Variants in NKAIN3 observed in about 807,000 individuals in gnomAD.
NKAIN3 encodes the protein sodium/potassium transporting ATPase interacting 3.
A neutral mutation model predicts 30.2 loss-of-function variants in NKAIN3; 25 were observed. That is an observed-to-expected ratio of 0.83 (90% CI 0.60 to 1.16). The LOEUF is 1.16. NKAIN3 is among the 50% of genes most tolerant of loss of function. NKAIN3 has a pLI of 0.00. For missense variants in NKAIN3, 225 were observed against 254.1 expected (o/e 0.89, Z 0.78); for synonymous variants, 91 against 89.6 (o/e 1.02, Z -0.09).
Position 62,768,624 on chromosome 8 carries a change from G to A in NKAIN3, c.471+21495G>A, listed in dbSNP as rs537023898. Among the ~76,000 whole-genome samples the A allele has an allele frequency of 1.1e-3, 161 of 152,254 alleles. 1 individual carries two copies. Among genetic ancestry groups the A allele is most frequent in the Admixed American group, 4.2e-3 (64 of 15,282 alleles). ...ATGAGAAAAGGGCAGTTGTCAACAG[G>A]AAATAGCAGCTCTGAGTTCATTTTC... On this transcript the variant is annotated intron_variant, in intron 4 of 6. Coordinates refer to ENST00000623646, the MANE Select transcript of NKAIN3 (RefSeq NM_001304533.3).
chr8:62,297,241 C>G (rs1563923760), intron 1 of NKAIN3, among the ~76,000 whole-genome samples: 1 of 152,182 alleles, frequency 6.6e-6, no homozygotes, highest in East Asian at 1.9e-4. Context: ...CTAGGCATTA[C>G]CATTCAGGAC....
chr8:62,354,280 T>C (rs1816275944), intron 1 of NKAIN3, among the ~76,000 whole-genome samples: 1 of 150,902 alleles, frequency 6.6e-6, no homozygotes, highest in South Asian at 2.1e-4. Flanking sequence ...CTACCTTCTT[T>C]TTTTAGGTGA....
At chr8:62,879,255 A>G (rs1264236295) in intron 4 of NKAIN3, among the ~76,000 whole-genome samples, 1 of 152,108 alleles carries the variant, frequency 6.6e-6, no homozygotes, top group African/African-American at 2.4e-5. Flanking sequence ...CATTTCTTTG[A>G]TGGCCAGTGA....
At chr8:62,808,698 G>A (rs1238113686) in intron 4 of NKAIN3, among the ~76,000 whole-genome samples, 1 of 152,086 alleles carries the variant, frequency 6.6e-6, no homozygotes, top group Non-Finnish European at 1.5e-5. Flanking sequence ...GGGTCACAGA[G>A]ATCACATGCT....
chr8:62,644,044 A>G (rs1466337956), intron 3 of NKAIN3, among the ~76,000 whole-genome samples: 1 of 152,118 alleles, frequency 6.6e-6, no homozygotes, highest in Non-Finnish European at 1.5e-5. Flanking sequence ...ATGGATGGAA[A>G]AGAAAGAGGA....
chr8:62,447,843 C>A (rs1294525953), intron 1 of NKAIN3, among the ~76,000 whole-genome samples: 1 of 151,888 alleles, frequency 6.6e-6, no homozygotes, highest in African/African-American at 2.4e-5. Flanking sequence ...GAAGAAAGAA[C>A]CAAGCCCCAA....
At chr8:62,349,579 T>C (rs1816118407) in intron 1 of NKAIN3, among the ~76,000 whole-genome samples, 1 of 152,166 alleles carries the variant, frequency 6.6e-6, no homozygotes, top group Non-Finnish European at 1.5e-5. Flanking sequence ...TGAAATTTGC[T>C]GTGGGTACAG....
chr8:62,447,969 G>T (rs1383236056), intron 1 of NKAIN3, among the ~76,000 whole-genome samples: 2 of 151,922 alleles, frequency 1.3e-5, no homozygotes, highest in African/African-American at 4.8e-5. Flanking sequence ...TTTGTTGGGG[G>T]AATAGAGAGT....
At chr8:62,617,851 C>T (rs547220362) in intron 3 of NKAIN3, among the ~76,000 whole-genome samples, 15 of 152,248 alleles carry the variant, frequency 9.9e-5, no homozygotes, top group Middle Eastern at 3.4e-3. Context: ...AGTGTTCTGT[C>T]TTATCTAGGC....
Position 62,290,253 on chromosome 8 carries a change from T to G in NKAIN3, c.54+41126T>G, listed in dbSNP as rs193099451. ...CTTTATTTCTTTCTCTTGCCTGATT[T>G]CCCTGGCCAGAACTTCCAACATTAT... is the stretch of plus-strand genomic sequence containing the variant. On this transcript the variant is annotated intron_variant, in intron 1 of 6. Coordinates refer to ENST00000623646, the MANE Select transcript of NKAIN3 (RefSeq NM_001304533.3). Among the ~76,000 whole-genome samples, 592 of 152,260 alleles carry G rather than the reference T, an allele frequency of 3.9e-3. 2 individuals are homozygous for G. The highest frequency in any genetic ancestry group is 0.014 in the African/African-American group (568 of 41,552).
chr8:62,410,442 T>C (rs1804203703), intron 1 of NKAIN3, among the ~76,000 whole-genome samples: 1 of 152,158 alleles, frequency 6.6e-6, no homozygotes, highest in African/African-American at 2.4e-5. Context: ...GTCTTTTTGG[T>C]ATAATGATCT....
chr8:62,815,275 G>A lies in NKAIN3; in HGVS notation c.471+68146G>A, dbSNP rs1051080899. On this transcript the variant is annotated intron_variant, in intron 4 of 6. Coordinates refer to ENST00000623646, the MANE Select transcript of NKAIN3 (RefSeq NM_001304533.3). Reference sequence around the variant, plus strand: ...TCCAGGACCAGATGGATTCACAGCCGAATTCTACCAGAGGTACAAGGAGGA... The same window carrying A: ...TCCAGGACCAGATGGATTCACAGCCAAATTCTACCAGAGGTACAAGGAGGA... Among the ~76,000 whole-genome samples, 27 of 152,088 alleles carry A rather than the reference G, an allele frequency of 1.8e-4. 1 individual carries two copies. In the East Asian group the frequency reaches 2.9e-3, roughly 16 times the overall value.
rs532401604 is a variant in NKAIN3, at chr8:62,451,020, A to C, written c.55-128519A>C. Among the ~76,000 whole-genome samples, 13 of 152,324 alleles carry C rather than the reference A, an allele frequency of 8.5e-5. No homozygotes were observed. The South Asian group carries it at 2.7e-3, about 32-fold the overall frequency. ...TACTTATGCAATGTGGAGCAGATTA[A>C]TTATGTTTTAACATTAATTTTTTAA... On this transcript the variant is annotated intron_variant, in intron 1 of 6. Coordinates refer to ENST00000623646, the MANE Select transcript of NKAIN3 (RefSeq NM_001304533.3).
At chr8:62,461,565 A>T in intron 1 of NKAIN3, among the ~76,000 whole-genome samples, 1 of 152,234 alleles carries the variant, frequency 6.6e-6, no homozygotes, top group East Asian at 1.9e-4. Flanking sequence ...AACTAAAGAA[A>T]ATATTGTCTG....
chr8:62,288,336 C>T (rs1813449712), intron 1 of NKAIN3, among the ~76,000 whole-genome samples: 1 of 152,140 alleles, frequency 6.6e-6, no homozygotes, highest in Non-Finnish European at 1.5e-5. Context: ...TGGTGTCCTG[C>T]ACCCGTTAAC....
chr8:62,431,368 G>A (rs562698635), intron 1 of NKAIN3, among the ~76,000 whole-genome samples: 1 of 151,684 alleles, frequency 6.6e-6, no homozygotes, highest in South Asian at 2.1e-4. Context: ...CTACTTTTTT[G>A]GTTAAATATA....
intron 4 of NKAIN3, among the ~76,000 whole-genome samples, chr8:62,900,029 T>TTA (rs1554589822): frequency 6.7e-6 from 1 of 148,166 alleles, no homozygotes; most frequent in African/African-American, 2.5e-5. Context: ...CTACTGAAAT[T>TTA]AAAAAAAAAA....
intron 1 of NKAIN3, among the ~76,000 whole-genome samples, chr8:62,554,025 G>A (rs750132872): frequency 6.6e-5 from 10 of 152,140 alleles, no homozygotes; most frequent in Non-Finnish European, 1.0e-4. Flanking sequence ...ATACAGCGAT[G>A]ACTTGTGTTA....
At chr8:62,932,036 G>A (rs1373891542) in intron 5 of NKAIN3, among the ~76,000 whole-genome samples, 8 of 152,098 alleles carry the variant, frequency 5.3e-5, no homozygotes, top group African/African-American at 1.7e-4. Flanking sequence ...AGCATTTATA[G>A]TCCAGAGGCA....
Sources: gnomAD v4.1 joint callset for allele counts (sites outside exome capture counted in the v4.1 genomes callset) on GRCh38, gnomAD v4.1.1 for gene constraint, MANE v1.5 for transcripts, NCBI Gene and HGNC (gene_info 2026-07-23, HGNC 2026-07-21) for gene names.